The following MYO1B variants were observed in gnomAD, a reference collection of about 807,000 sequenced individuals.
The protein encoded by MYO1B is unconventional myosin-Ib.
In MYO1B, 72 loss-of-function variants were observed where a neutral mutation model predicts 159.7. That is an observed-to-expected ratio of 0.45 (90% CI 0.37 to 0.55). MYO1B has a LOEUF of 0.55. Ranked by LOEUF, MYO1B falls within the 20% of genes least tolerant of loss-of-function variation. The pLI, the probability that MYO1B is intolerant of heterozygous loss-of-function variation, is 0.00. For synonymous variants in MYO1B, 468 were observed against 473.8 expected (o/e 0.99, Z 0.16); for missense variants, 1,062 against 1,364.8 (o/e 0.78, Z 3.50).
chr2:191,328,251 G>A (rs77717379), intron 3 of MYO1B, among the ~76,000 whole-genome samples: 3 of 152,332 alleles, frequency 2.0e-5, no homozygotes, highest in East Asian at 1.9e-4. Context: ...CATTATTTAT[G>A]GTTCCGTATG....
chr2:191,400,667 TC>T (rs144510519), intron 22 of MYO1B, 81 bp from the exon 23 acceptor site: 46,091 of 1,497,016 alleles, frequency 0.031, 878 homozygotes, highest in Non-Finnish European at 0.038. Flanking sequence ...CTAGTGTCTC[TC>T]TTTTTCTTTC....
At chr2:191,420,540 G>C (rs995345156) in intron 30 of MYO1B, among the ~76,000 whole-genome samples, 1 of 152,154 alleles carries the variant, frequency 6.6e-6, no homozygotes, top group Admixed American at 6.5e-5. Context: ...ACAATAACAC[G>C]CTGTAGCATC....
At chr2:191,309,675 A>G (rs1447948436) in intron 3 of MYO1B, among the ~76,000 whole-genome samples, 1 of 152,162 alleles carries the variant, frequency 6.6e-6, no homozygotes, top group African/African-American at 2.4e-5. Context: ...TGCCACTGTC[A>G]GCATCACTCT....
intron 5 of MYO1B, among the ~76,000 whole-genome samples, chr2:191,344,692 T>C (rs1692447156): frequency 6.6e-6 from 1 of 150,754 alleles, no homozygotes; most frequent in African/African-American, 2.4e-5. Context: ...TAGCCGGGCG[T>C]AGTGGCGGGC....
At chr2:191,282,870 A>G (rs1272203793) in intron 2 of MYO1B, among the ~76,000 whole-genome samples, 1 of 152,206 alleles carries the variant, frequency 6.6e-6, no homozygotes, top group Non-Finnish European at 1.5e-5. Flanking sequence ...ACTTGGTTGT[A>G]TGTGAGTGGT....
intron 13 of MYO1B, among the ~76,000 whole-genome samples, chr2:191,380,543 G>A (rs1048173271): frequency 3.9e-5 from 6 of 152,170 alleles, no homozygotes; most frequent in Non-Finnish European, 5.9e-5. Flanking sequence ...CTTCCTGGAC[G>A]ATGTGGTTCT....
intron 4 of MYO1B, among the ~76,000 whole-genome samples, chr2:191,338,614 A>G (rs891898758): frequency 1.3e-5 from 2 of 152,122 alleles, no homozygotes; most frequent in African/African-American, 4.8e-5. Flanking sequence ...GTAGCCACCA[A>G]AAGATTCTCA....
intron 1 of MYO1B, among the ~76,000 whole-genome samples, chr2:191,268,119 A>C (rs1279022517): frequency 6.6e-6 from 1 of 152,226 alleles, no homozygotes; most frequent in Non-Finnish European, 1.5e-5. Context: ...GTATTTTGGC[A>C]TATTGGTCTG....
chr2:191,372,796 CCTT>C (rs1694441678), intron 13 of MYO1B, among the ~76,000 whole-genome samples: 1 of 151,862 alleles, frequency 6.6e-6, no homozygotes, highest in Non-Finnish European at 1.5e-5. Flanking sequence ...AATGTGCCCT[CCTT>C]CTGCAAGTTA....
intron 30 of MYO1B, among the ~76,000 whole-genome samples, chr2:191,417,894 C>T (rs971922278): frequency 3.3e-5 from 5 of 152,126 alleles, no homozygotes; most frequent in Admixed American, 6.5e-5. Flanking sequence ...AGCTTGTGTT[C>T]GAAGGTGTGC....
At chr2:191,339,190 C>T (rs1456515093) in intron 4 of MYO1B, among the ~76,000 whole-genome samples, 1 of 152,080 alleles carries the variant, frequency 6.6e-6, no homozygotes, top group Non-Finnish European at 1.5e-5. Flanking sequence ...ATGTTAGGAA[C>T]CTGCTAGGAG....
Position 191,264,895 on chromosome 2 carries a change from G to C in MYO1B, c.-9-11992G>C. Among the ~76,000 whole-genome samples the C allele has an allele frequency of 1.3e-5, 2 of 151,906 alleles. 1 individual carries two copies. The highest frequency in any genetic ancestry group is 2.9e-5 in the Non-Finnish European group (2 of 68,006). On this transcript the variant is annotated intron_variant, in intron 1 of 30. Coordinates refer to ENST00000392318, the MANE Select transcript of MYO1B (RefSeq NM_001130158.3). ...GTTGGAAGCTGGGACAAGATCCTAG[G>C]AGATGATGTGTTATACGCTTTGTGA...
intron 5 of MYO1B, among the ~76,000 whole-genome samples, chr2:191,344,371 T>C (rs1206214454): frequency 1.3e-5 from 2 of 152,204 alleles, no homozygotes; most frequent in Admixed American, 6.5e-5. Context: ...GCAAATTTCT[T>C]CATTCTGTAT....
intron 2 of MYO1B, among the ~76,000 whole-genome samples, chr2:191,277,522 A>G (rs1403445663): frequency 6.6e-6 from 1 of 152,232 alleles, no homozygotes; most frequent in Non-Finnish European, 1.5e-5. Flanking sequence ...GTCATGTCCT[A>G]CTGTACAAAA....
intron 30 of MYO1B, among the ~76,000 whole-genome samples, chr2:191,423,236 T>C (rs967992621): frequency 7.9e-5 from 12 of 152,258 alleles, no homozygotes; most frequent in Non-Finnish European, 1.5e-4. Context: ...CTGTATATTA[T>C]AGTATAGCCA....
At position 191,358,761 on chromosome 2, in the gene MYO1B, G is replaced by A. The variant is rs567451698; in HGVS notation, c.563-1870G>A. On this transcript the variant is annotated intron_variant, in intron 7 of 30. Transcript: ENST00000392318. ...AGGTGAGAGGACAGCAGCTCACCTC[G>A]TCCTCACTCACAAGGGCCTTGGCAT... Among the ~76,000 whole-genome samples the A allele has an allele frequency of 3.2e-4, 48 of 152,300 alleles. No individual in the cohort carries two copies. In the Middle Eastern group the frequency reaches 0.01, roughly 32 times the overall value.
intron 29 of MYO1B, 90 bp from the exon 30 acceptor site, chr2:191,416,021 TAAAG>T: frequency 2.2e-6 from 3 of 1,342,450 alleles, no homozygotes; most frequent in Non-Finnish European, 3.1e-6. Flanking sequence ...TCTGATGTTT[TAAAG>T]AGACTGTAAG....
chr2:191,382,675 C>T (rs923850361), intron 14 of MYO1B, among the ~76,000 whole-genome samples: 5 of 152,130 alleles, frequency 3.3e-5, no homozygotes, highest in African/African-American at 1.2e-4. Flanking sequence ...TAAGTAGACA[C>T]AGAAAGATTA....
At position 191,380,027 on chromosome 2, in the gene MYO1B, TAAAAC is replaced by T. The variant is rs527860311; in HGVS notation, c.1186-1431_1186-1427del. Among the ~76,000 whole-genome samples, 454 of 152,346 alleles carry T rather than the reference TAAAAC, an allele frequency of 3.0e-3. 4 individuals are homozygous for T. The highest frequency in any genetic ancestry group is 4.5e-3 in the Non-Finnish European group (307 of 68,018). ...CCTTTTAGTAAGACTCTTCAAGACA[TAAAAC>T]AAACAAACTTTTATCCTTAACTAAG... is the stretch of plus-strand genomic sequence containing the variant. On this transcript the variant is annotated intron_variant, in intron 13 of 30. Coordinates refer to ENST00000392318, the MANE Select transcript of MYO1B (RefSeq NM_001130158.3).
Sources: gnomAD v4.1 joint callset for allele counts (sites outside exome capture counted in the v4.1 genomes callset) on GRCh38, gnomAD v4.1.1 for gene constraint, MANE v1.5 for transcripts, NCBI Gene and HGNC (gene_info 2026-07-23, HGNC 2026-07-21) for gene names.